The following GNG2 variants were observed in gnomAD, a reference collection of about 807,000 sequenced individuals.
The protein encoded by GNG2 is G protein subunit gamma 2.
GNG2 carries 5 observed loss-of-function variants against 5.5 expected under a neutral mutation model. That is an observed-to-expected ratio of 0.91 (90% CI 0.48 to 1.92). The LOEUF (loss-of-function observed/expected upper bound fraction) is 1.92. Ranked by LOEUF, GNG2 falls within the 30% of genes most tolerant of loss-of-function variation. The probability of loss-of-function intolerance (pLI) is 0.01; values close to 1 mark genes in which losing one functional copy is unlikely to be tolerated. For missense variants in GNG2, 55 were observed against 88.4 expected (o/e 0.62, Z 1.52); for synonymous variants, 28 against 32.0 (o/e 0.88, Z 0.42).
intron 2 of GNG2, among the ~76,000 whole-genome samples, chr14:51,890,756 C>T (rs1032998642): frequency 1.3e-5 from 2 of 152,078 alleles, no homozygotes; most frequent in Admixed American, 6.6e-5. Flanking sequence ...CTTCAATAAG[C>T]GGATGGGCTT....
intron 2 of GNG2, among the ~76,000 whole-genome samples, chr14:51,840,213 G>C (rs1284673362): frequency 6.6e-6 from 1 of 152,160 alleles, no homozygotes; most frequent in African/African-American, 2.4e-5. Context: ...ACCTCGGTCT[G>C]GGAGCATGAC....
At chr14:51,935,345 T>C (rs1354607756) in intron 2 of GNG2, among the ~76,000 whole-genome samples, 2 of 152,136 alleles carry the variant, frequency 1.3e-5, no homozygotes, top group African/African-American at 2.4e-5. Flanking sequence ...TCTTTAAGCT[T>C]ACTGCATCAG....
In GNG2 at chr14:51,967,055, TC is replaced by T. The variant is rs1889971557; in HGVS notation, c.*369del. ...TACTGAGGTAAGATATGTGTGACCT[TC>T]TTGGAATGAATATTGTCTTTAGAAT... On this transcript the variant is annotated 3_prime_UTR_variant, in exon 4 of 4. Coordinates refer to ENST00000556766, the MANE Select transcript of GNG2 (RefSeq NM_053064.5). The T allele has an allele frequency of 6.6e-6, 1 of 152,448 alleles. No individual in the cohort carries two copies. The highest frequency in any genetic ancestry group is 6.7e-5 in the Admixed American group (1 of 14,880). The allele number at this position is 152,448 out of a possible 1,614,324, so 9.4% of individuals were successfully genotyped here.
At chr14:51,940,980 T>G (rs1358739243) in intron 2 of GNG2, among the ~76,000 whole-genome samples, 2 of 151,992 alleles carry the variant, frequency 1.3e-5, no homozygotes, top group Admixed American at 1.3e-4. Context: ...TTAACAGTAT[T>G]TTAGTATATA....
chr14:51,841,517 A>G (rs1295823341), intron 2 of GNG2: 1 of 702,134 alleles, frequency 1.4e-6, no homozygotes, highest in Non-Finnish European at 2.6e-6. Flanking sequence ...CAAGAATCCC[A>G]GAGCATAGAA....
chr14:51,930,448 T>C (rs940349729), intron 2 of GNG2, among the ~76,000 whole-genome samples: 3 of 152,252 alleles, frequency 2.0e-5, no homozygotes, highest in Admixed American at 6.5e-5. Flanking sequence ...GGTTTCTTAG[T>C]GCAAGCTCTT....
At chr14:51,848,243 C>T (rs1881730844) in intron 2 of GNG2, among the ~76,000 whole-genome samples, 1 of 152,136 alleles carries the variant, frequency 6.6e-6, no homozygotes, top group Non-Finnish European at 1.5e-5. Flanking sequence ...TTTCTAAATT[C>T]CAAAAGGCCC....
Position 51,968,216 on chromosome 14 carries a change from G to A in GNG2, c.*1529G>A, listed in dbSNP as rs1479860830. 6.6e-6 allele frequency: 1 copy of A among 152,070 alleles called. No individual in the cohort carries two copies. Among genetic ancestry groups the A allele is most frequent in the Non-Finnish European group, 1.5e-5 (1 of 68,020 alleles). The allele number at this position is 152,070 out of a possible 1,614,324, so 9.4% of individuals were successfully genotyped here. A position where few individuals can be genotyped will look rare whatever the true frequency, so the allele number is the denominator to read the frequency against. On this transcript the variant is annotated 3_prime_UTR_variant, in exon 4 of 4. Transcript: ENST00000556766. The stretch of plus-strand genomic sequence containing the variant: ...GTCTCCATCAGTAACAGCAGGCCCT[G>A]GAAGACTTGATCACCTTTTTCTGTG...
chr14:51,949,549 T>C (rs1888851995), intron 2 of GNG2, among the ~76,000 whole-genome samples: 2 of 152,234 alleles, frequency 1.3e-5, no homozygotes, highest in Admixed American at 1.3e-4. Flanking sequence ...TTATATAATA[T>C]CTTCAGAACA....
At position 51,968,509 on chromosome 14, in the gene GNG2, G is replaced by A. The variant is rs866151646; in HGVS notation, c.*1822G>A. 1 of 152,176 alleles carries A rather than the reference G, an allele frequency of 6.6e-6. No homozygotes were observed. Among genetic ancestry groups the A allele is most frequent in the Non-Finnish European group, 1.5e-5 (1 of 68,044 alleles). 9.4% of individuals were successfully genotyped at this position (152,176 alleles called of 1,614,324 possible). Reference sequence around the variant, plus strand: ...ATACATCCAATTAAAGCTCATGCTGGGGTCGGGGAGAAGAGGATACTGAAA... The same window carrying A: ...ATACATCCAATTAAAGCTCATGCTGAGGTCGGGGAGAAGAGGATACTGAAA... On this transcript the variant is annotated 3_prime_UTR_variant, in exon 4 of 4. Transcript: ENST00000556766.
chr14:51,938,214 A>G (rs899174952), intron 2 of GNG2, among the ~76,000 whole-genome samples: 5 of 152,110 alleles, frequency 3.3e-5, no homozygotes, highest in African/African-American at 1.2e-4. Context: ...CCCTCAAAAA[A>G]TTTCCCCCGC....
At chr14:51,870,152 C>G (rs1883200198) in intron 1 of GNG2, among the ~76,000 whole-genome samples, 1 of 152,128 alleles carries the variant, frequency 6.6e-6, no homozygotes, top group Non-Finnish European at 1.5e-5. Flanking sequence ...AACAAAGTTT[C>G]CATGCATTTC....
intron 2 of GNG2, among the ~76,000 whole-genome samples, chr14:51,942,322 C>T (rs1477775627): frequency 6.6e-6 from 1 of 151,960 alleles, no homozygotes; most frequent in Non-Finnish European, 1.5e-5. Context: ...TACTATGGGC[C>T]TTTGAGCAGC....
intron 2 of GNG2, among the ~76,000 whole-genome samples, chr14:51,912,207 A>G (rs2140204484): frequency 6.6e-6 from 1 of 152,212 alleles, no homozygotes; most frequent in East Asian, 1.9e-4. Context: ...GCCATATATA[A>G]ATGTTAGCTT....
intron 2 of GNG2, among the ~76,000 whole-genome samples, chr14:51,841,281 AGACT>A (rs1247869748): frequency 2.0e-5 from 3 of 152,200 alleles, no homozygotes; most frequent in African/African-American, 7.2e-5. Context: ...GCCCCTCTCC[AGACT>A]GACTGAGTTA....
chr14:51,866,267 C>G (rs1163583021), intron 1 of GNG2, among the ~76,000 whole-genome samples: 1 of 152,184 alleles, frequency 6.6e-6, no homozygotes, highest in Non-Finnish European at 1.5e-5. Context: ...TGGTTCTACT[C>G]TAGATTCACT....
intron 3 of GNG2, among the ~76,000 whole-genome samples, chr14:51,966,329 C>T (rs953275477): frequency 1.3e-5 from 2 of 151,758 alleles, no homozygotes; most frequent in Non-Finnish European, 2.9e-5. Flanking sequence ...CGGTTCTGCA[C>T]CCTAAGTGCC....
chr14:51,950,391 G>C (rs147962462), intron 2 of GNG2, among the ~76,000 whole-genome samples: 2 of 152,340 alleles, frequency 1.3e-5, no homozygotes, highest in East Asian at 3.9e-4. Flanking sequence ...CCCACTGGGA[G>C]AACATTTGGT....
intron 2 of GNG2, among the ~76,000 whole-genome samples, chr14:51,938,064 C>A (rs1407796981): frequency 6.6e-6 from 1 of 152,204 alleles, no homozygotes; most frequent in Admixed American, 6.5e-5. Flanking sequence ...GTAACATGTG[C>A]ATGCACTTCT....
Sources: allele counts gnomAD v4.1 joint callset (sites outside exome capture counted in the v4.1 genomes callset), GRCh38; gene constraint gnomAD v4.1.1; transcripts MANE v1.5; gene names NCBI Gene and HGNC (gene_info 2026-07-23, HGNC 2026-07-21).